DAB1: variants seen among roughly 807,000 people sequenced by gnomAD.
The protein encoded by DAB1 is disabled homolog 1.
In DAB1, 15 loss-of-function variants were observed where a neutral mutation model predicts 64.6. The observed-to-expected ratio is 0.23, with a 90% CI of 0.16 to 0.36. The LOEUF (loss-of-function observed/expected upper bound fraction) is 0.36. Ranked by LOEUF, DAB1 falls within the 10% of genes least tolerant of loss-of-function variation. DAB1 has a pLI of 1.00. For synonymous variants in DAB1, 235 were observed against 251.9 expected, an observed-to-expected ratio of 0.93 and a Z score of 0.64; for missense variants, 596 against 706.7, an observed-to-expected ratio of 0.84 and a Z score of 1.78.
At chr1:57,725,844 C>T (rs1364710061) in intron 6 of DAB1, among the ~76,000 whole-genome samples, 14 of 151,976 alleles carry the variant, frequency 9.2e-5, no homozygotes, top group Non-Finnish European at 1.6e-4. Flanking sequence ...CTCTGTCTCC[C>T]GGGTTCAAGC....
chr1:57,884,774 G>C (rs1278056820), upstream of DAB1, among the ~76,000 whole-genome samples: 1 of 152,178 alleles, frequency 6.6e-6, no homozygotes, highest in East Asian at 1.9e-4. Context: ...TTTGGGTCAC[G>C]TGGGTGGATC....
intron 4 of DAB1, among the ~76,000 whole-genome samples, chr1:57,133,714 C>T (rs1017322950): frequency 3.9e-5 from 6 of 152,136 alleles, no homozygotes; most frequent in Admixed American, 3.3e-4. Flanking sequence ...GCTATTGTCA[C>T]GTTCTGCAAA....
intron 2 of DAB1, among the ~76,000 whole-genome samples, chr1:57,231,083 C>A (rs918071393): frequency 2.6e-5 from 4 of 152,094 alleles, no homozygotes; most frequent in Non-Finnish European, 5.9e-5. Context: ...ATATAGGCAA[C>A]CTTGTTGCTA....
At chr1:57,859,794 G>C (rs562738267) in intron 1 of DAB1, among the ~76,000 whole-genome samples, 3 of 152,168 alleles carry the variant, frequency 2.0e-5, no homozygotes, top group African/African-American at 7.2e-5. Context: ...GGAACACATG[G>C]ACTTCAATGT....
At chr1:57,411,662 C>T (rs1039789527) in intron 1 of DAB1, among the ~76,000 whole-genome samples, 2 of 152,224 alleles carry the variant, frequency 1.3e-5, no homozygotes, top group Admixed American at 6.5e-5. Context: ...TGACTAGCGG[C>T]TACCCTGGTC....
chr1:57,707,943 TCTCTTTCCA>T (rs1402999976), intron 6 of DAB1, among the ~76,000 whole-genome samples: 2 of 151,992 alleles, frequency 1.3e-5, no homozygotes, highest in Non-Finnish European at 2.9e-5. Flanking sequence ...GCAAAGTTAC[TCTCTTTCCA>T]CTCTTTCCCC....
At chr1:57,509,715 C>G (rs1393451000) in intron 7 of DAB1, among the ~76,000 whole-genome samples, 1 of 152,148 alleles carries the variant, frequency 6.6e-6, no homozygotes, top group South Asian at 2.1e-4. Context: ...TCATTTCTAC[C>G]CCTATCAAAG....
At chr1:58,214,702 G>C (rs534827403) in intron 4 of DAB1, among the ~76,000 whole-genome samples, 2 of 152,158 alleles carry the variant, frequency 1.3e-5, no homozygotes, top group Non-Finnish European at 2.9e-5. Context: ...CTAGCTTTCA[G>C]AAGCAGTAGG....
intron 2 of DAB1, among the ~76,000 whole-genome samples, chr1:57,165,962 G>A (rs1661180207): frequency 6.6e-6 from 1 of 152,222 alleles, no homozygotes; most frequent in African/African-American, 2.4e-5. Flanking sequence ...ATGGGTCAGG[G>A]CTGGCTGCAT....
chr1:57,416,336 G>C (rs1215501463), intron 1 of DAB1, among the ~76,000 whole-genome samples: 2 of 152,178 alleles, frequency 1.3e-5, no homozygotes, highest in African/African-American at 4.8e-5. Context: ...CTGATGGGAA[G>C]TTATTTCTTG....
chr1:57,712,135 TA>T (rs1647036060), intron 6 of DAB1, among the ~76,000 whole-genome samples: 1 of 152,222 alleles, frequency 6.6e-6, no homozygotes, highest in South Asian at 2.1e-4. Context: ...GTTGAATTTT[TA>T]AAAAGTATTC....
intron 5 of DAB1, among the ~76,000 whole-genome samples, chr1:58,040,891 A>C (rs1647124826): frequency 6.6e-6 from 1 of 152,074 alleles, no homozygotes; most frequent in Admixed American, 6.5e-5. Context: ...TTAACTACAG[A>C]ATTGTGTCCA....
chr1:57,928,633 C>T (rs1373478917), intron 5 of DAB1, among the ~76,000 whole-genome samples: 1 of 152,196 alleles, frequency 6.6e-6, no homozygotes, highest in African/African-American at 2.4e-5. Flanking sequence ...ATACCTACTA[C>T]CAACCTCTAT....
chr1:57,838,327 A>C (rs1247183680), intron 1 of DAB1, among the ~76,000 whole-genome samples: 3 of 152,248 alleles, frequency 2.0e-5, no homozygotes, highest in Non-Finnish European at 4.4e-5. Context: ...AAAAATTCTT[A>C]AAGAAAATGC....
chr1:58,281,981 T>A (rs1297926757), intron 4 of DAB1, among the ~76,000 whole-genome samples: 1 of 152,058 alleles, frequency 6.6e-6, no homozygotes, highest in Admixed American at 6.6e-5. Flanking sequence ...CATCATCACA[T>A]CTTCCTCCTC....
intron 6 of DAB1, among the ~76,000 whole-genome samples, chr1:57,707,182 A>T (rs190498558): frequency 1.6e-4 from 25 of 152,230 alleles, no homozygotes; most frequent in African/African-American, 5.8e-4. Flanking sequence ...ACCTTATCTA[A>T]TTGCTGGCAA....
chr1:57,470,276 T>C (rs1052633834), intron 7 of DAB1, among the ~76,000 whole-genome samples: 4 of 152,192 alleles, frequency 2.6e-5, no homozygotes, highest in African/African-American at 9.6e-5. Flanking sequence ...GGTAGAAATA[T>C]CTCAGGAATG....
intron 4 of DAB1, among the ~76,000 whole-genome samples, chr1:58,248,342 A>C (rs940127104): frequency 2.0e-4 from 30 of 152,182 alleles, no homozygotes; most frequent in African/African-American, 6.3e-4. Context: ...AAAAAGAAAA[A>C]GCCATAAAAT....
At chr1:57,527,759 G>T (rs1524727) in intron 7 of DAB1, among the ~76,000 whole-genome samples, 106,431 of 151,986 alleles carry the variant, frequency 0.7, 37,479 homozygotes, top group South Asian at 0.79. Context: ...TTAAGATAGG[G>T]TCAGGGAGTT....
Sources: allele counts gnomAD v4.1 joint callset (sites outside exome capture counted in the v4.1 genomes callset), GRCh38; gene constraint gnomAD v4.1.1; transcripts MANE v1.5; gene names NCBI Gene and HGNC (gene_info 2026-07-23, HGNC 2026-07-21).